Variants in SLC35F4 observed in about 807,000 individuals in gnomAD.
The protein encoded by SLC35F4 is chromosome 14 open reading frame 36.
SLC35F4 carries 24 observed loss-of-function variants against 44.2 expected under a neutral mutation model. The ratio of observed to expected loss-of-function variants is 0.54; its 90% CI spans 0.39 to 0.76. The LOEUF (loss-of-function observed/expected upper bound fraction) is 0.76, where lower values mean the gene tolerates loss of function less well. SLC35F4 is among the 30% of genes least tolerant of loss of function. SLC35F4 has a pLI of 0.00. For synonymous variants in SLC35F4, 238 were observed against 223.6 expected (o/e 1.06, Z -0.57); for missense variants, 562 against 586.1 (o/e 0.96, Z 0.42).
intron 1 of SLC35F4, among the ~76,000 whole-genome samples, chr14:57,901,922 C>T (rs1411195211): frequency 1.3e-5 from 2 of 152,092 alleles, no homozygotes; most frequent in Non-Finnish European, 2.9e-5. Context: ...GTCTTCTGAC[C>T]TCCACTCAGT....
chr14:57,749,299 T>C (rs2076829468), intron 1 of SLC35F4, among the ~76,000 whole-genome samples: 1 of 152,164 alleles, frequency 6.6e-6, no homozygotes, highest in African/African-American at 2.4e-5. Context: ...AAAGTATCTG[T>C]TACCAGACTG....
At chr14:57,766,561 C>G (rs974213586) in intron 1 of SLC35F4, among the ~76,000 whole-genome samples, 1 of 152,178 alleles carries the variant, frequency 6.6e-6, no homozygotes, top group African/African-American at 2.4e-5. Context: ...ACCCTAGAAC[C>G]CTTAAAGTAA....
intron 1 of SLC35F4, among the ~76,000 whole-genome samples, chr14:57,689,751 G>T (rs146008253): frequency 2.2e-5 from 3 of 134,780 alleles, no homozygotes; most frequent in African/African-American, 5.5e-5. Context: ...GTCGGGGGAG[G>T]GGGGAGGGAT....
intron 1 of SLC35F4, among the ~76,000 whole-genome samples, chr14:57,900,220 C>A: frequency 6.6e-6 from 1 of 152,182 alleles, no homozygotes; most frequent in East Asian, 1.9e-4. Flanking sequence ...CCCAGGAAGT[C>A]CAGCTGGCTT....
At chr14:57,838,239 G>T (rs544118783) in intron 1 of SLC35F4, among the ~76,000 whole-genome samples, 1 of 152,304 alleles carries the variant, frequency 6.6e-6, no homozygotes, top group East Asian at 1.9e-4. Context: ...GAGGAGAACA[G>T]AGGTGAGGCT....
At chr14:57,596,401 A>G in intron 1 of SLC35F4, 1 of 265,234 alleles carries the variant, frequency 3.8e-6, no homozygotes, top group South Asian at 4.1e-5. Flanking sequence ...TGGACAATTC[A>G]AGTTCGATAA....
rs1880669962 is a variant in SLC35F4, at chr14:57,622,138, G to C, written c.104-28014C>G. On this transcript the variant is annotated intron_variant, in intron 1 of 7. Transcript: ENST00000556826. ...ATGAGATACCATCTCACACAAGTTAGAATGGCAATCATTAAAAAGTCAGGA... is the reference window on the plus strand; with the variant it reads ...ATGAGATACCATCTCACACAAGTTACAATGGCAATCATTAAAAAGTCAGGA... 3.1e-5 allele frequency among the ~76,000 whole-genome samples: 3 copies of C among 98,202 alleles called. No individual in the cohort carries two copies. The South Asian group carries it at 1.0e-3, about 33-fold the overall frequency. 64.4% of individuals were successfully genotyped at this position (98,202 alleles called of 152,430 possible).
intron 1 of SLC35F4, among the ~76,000 whole-genome samples, chr14:57,961,430 A>G (rs1474208139): frequency 6.6e-6 from 1 of 152,212 alleles, no homozygotes; most frequent in Middle Eastern, 3.4e-3. Flanking sequence ...CTGTGATTCT[A>G]TGAAACCACA....
intron 1 of SLC35F4, among the ~76,000 whole-genome samples, chr14:57,760,910 G>A (rs1374396922): frequency 6.6e-6 from 1 of 152,152 alleles, no homozygotes; most frequent in Non-Finnish European, 1.5e-5. Context: ...CAAGACAGGT[G>A]CTCAGAAGAT....
At chr14:57,673,156 T>A (rs569274838) in intron 1 of SLC35F4, among the ~76,000 whole-genome samples, 2 of 152,248 alleles carry the variant, frequency 1.3e-5, no homozygotes, top group African/African-American at 4.8e-5. Context: ...GCCACTTTTT[T>A]ATGTAAGACA....
At chr14:57,619,493 T>C (rs996854545) in intron 1 of SLC35F4, among the ~76,000 whole-genome samples, 13 of 151,908 alleles carry the variant, frequency 8.6e-5, no homozygotes, top group Non-Finnish European at 1.9e-4. Context: ...AGGAATAGCA[T>C]CAACATCAAC....
chr14:57,655,169 T>C (rs1340810625), intron 1 of SLC35F4, among the ~76,000 whole-genome samples: 5 of 152,150 alleles, frequency 3.3e-5, no homozygotes, highest in African/African-American at 1.2e-4. Flanking sequence ...TGTGGGTCTG[T>C]TTATTCTTTT....
intron 1 of SLC35F4, among the ~76,000 whole-genome samples, chr14:57,622,369 G>A (rs1257002157): frequency 6.2e-5 from 9 of 144,858 alleles, no homozygotes; most frequent in Non-Finnish European, 9.0e-5. Flanking sequence ...ACATGCACAC[G>A]TATGTTTATT....
chr14:57,716,516 T>C (rs967721545), intron 1 of SLC35F4, among the ~76,000 whole-genome samples: 7 of 152,160 alleles, frequency 4.6e-5, no homozygotes, highest in African/African-American at 1.7e-4. Context: ...TGTTTTAATT[T>C]TTCTGGTCTA....
In SLC35F4 at chr14:57,865,764, G is replaced by T; in HGVS notation, c.62C>A (p.Thr21Asn). The T allele has an allele frequency of 6.6e-7, 1 of 1,523,874 alleles. No individual in the cohort carries two copies. Among genetic ancestry groups the T allele is most frequent in the Non-Finnish European group, 8.8e-7 (1 of 1,142,016 alleles). The allele number at this position is 1,523,874 out of a possible 1,614,324, so 94.4% of individuals were successfully genotyped here. ...ATIEDRILRI[T>N]GYYGYYPGYS... ...ACCTGGATAATAGCCATAGTAGCCG[G>T]TGATCCGCAGGATCCGGTCCTCGAT... The change falls in exon 1 of 8, where the codon ACC becomes AAC. Residue 21 changes from threonine (T) to asparagine (N), a missense_variant. Transcript: ENST00000556826.
intron 1 of SLC35F4, among the ~76,000 whole-genome samples, chr14:57,946,384 C>T (rs192678145): frequency 9.2e-5 from 14 of 151,692 alleles, no homozygotes; most frequent in African/African-American, 3.4e-4. Flanking sequence ...AATTGGGTGT[C>T]CTTTCTCCAC....
chr14:57,932,875 G>A (rs1336387895), intron 1 of SLC35F4, among the ~76,000 whole-genome samples: 1 of 151,984 alleles, frequency 6.6e-6, no homozygotes, highest in Non-Finnish European at 1.5e-5. Flanking sequence ...ATCTCTCTGT[G>A]TGTATATTAG....
chr14:57,612,564 C>T (rs1364952575), intron 1 of SLC35F4, among the ~76,000 whole-genome samples: 1 of 152,192 alleles, frequency 6.6e-6, no homozygotes, highest in East Asian at 1.9e-4. Context: ...TATTTTTCTT[C>T]CTGGCTGTCA....
chr14:57,717,142 T>C (rs140195466), intron 1 of SLC35F4, among the ~76,000 whole-genome samples: 2 of 152,348 alleles, frequency 1.3e-5, no homozygotes, highest in East Asian at 3.9e-4. Context: ...ATCTTGATTA[T>C]TGTGAATAGT....
Sources: gnomAD v4.1 joint callset for allele counts (sites outside exome capture counted in the v4.1 genomes callset) on GRCh38, gnomAD v4.1.1 for gene constraint, MANE v1.5 for transcripts, NCBI Gene and HGNC (gene_info 2026-07-23, HGNC 2026-07-21) for gene names.